NBPF9: variants seen among roughly 807,000 people sequenced by gnomAD.
The protein encoded by NBPF9 is NBPF family member NBPF9.
Under a neutral mutation model 97.8 loss-of-function variants are expected in NBPF9, and 91 were observed. The ratio of observed to expected loss-of-function variants is 0.93; its 90% CI spans 0.79 to 1.11. NBPF9 has a LOEUF of 1.11. NBPF9 is among the 50% of genes least tolerant of loss of function. The probability of loss-of-function intolerance (pLI) is 0.00; values close to 1 mark genes in which losing one functional copy is unlikely to be tolerated. For synonymous variants in NBPF9, 334 were observed against 359.5 expected (o/e 0.93, Z 0.80); for missense variants, 992 against 939.5 (o/e 1.06, Z -0.73).
chr1:149,055,999 A>G, intron 29 of NBPF9, 100 bp from the exon 30 acceptor site: 1 of 1,336,942 alleles, frequency 7.5e-7, no homozygotes, highest in Non-Finnish European at 1.0e-6. Context: ...GTTAGAAAAG[A>G]AAAAGGATAG....
intron 7 of NBPF9, among the ~76,000 whole-genome samples, chr1:149,081,353 C>A (rs1404750529): frequency 6.6e-6 from 1 of 151,910 alleles, no homozygotes; most frequent in Non-Finnish European, 1.5e-5. Flanking sequence ...CTGCTGACCT[C>A]GTGCTCTGCC....
intron 5 of NBPF9, among the ~76,000 whole-genome samples, chr1:149,084,265 C>T (rs1314652989): frequency 7.0e-6 from 1 of 142,928 alleles, no homozygotes; most frequent in African/African-American, 2.6e-5. Context: ...TATATATACA[C>T]GTGTATATAT....
chr1:149,087,104 T>C (rs587765784), intron 5 of NBPF9, among the ~76,000 whole-genome samples: 19 of 152,126 alleles, frequency 1.2e-4, no homozygotes, highest in African/African-American at 4.3e-4. Flanking sequence ...GTTGCACTGA[T>C]TGATCTCCCT....
intron 22 of NBPF9, 29 bp downstream of exon 22, chr1:149,062,064 G>A (rs1324275953): frequency 1.1e-5 from 10 of 902,158 alleles, no homozygotes; most frequent in Non-Finnish European, 1.8e-6. Context: ...CCAGGTGGAG[G>A]CTTATCACCT....
chr1:149,056,547 T>C (rs1553649045), exon 29 of NBPF9: 3 of 100,770 alleles, frequency 3.0e-5, no homozygotes, highest in South Asian at 1.3e-4. Flanking sequence ...CTTCCCCTTC[T>C]TTTCTTCCCC....
chr1:149,058,871 C>A lies in NBPF9; in HGVS notation c.2758+54G>T, dbSNP rs1329754127. ...AGGGCCACTTGGAACAGGAATATCA[C>A]CCCTATCTGGAAGACCAGGTGGAGG... On this transcript the variant is annotated intron_variant, in intron 26 of 29. Transcript: ENST00000584027. 1.4e-4 allele frequency: 93 copies of A among 680,628 alleles called. 1 individual carries two copies. The Middle Eastern group carries it at 1.6e-3, about 12-fold the overall frequency. The allele number at this position is 680,628 out of a possible 1,614,324, so 42.2% of individuals were successfully genotyped here.
Position 149,059,580 on chromosome 1 carries a change from G to T in NBPF9, c.2585+120C>A, listed in dbSNP as rs2078468223. ...TACTGCAATGAAAACCAACAGCAAT[G>T]ACAGTAGGAGTAATTCAGCCTTCGT... On this transcript the variant is annotated intron_variant, in intron 25 of 29. Coordinates refer to ENST00000584027, the Ensembl canonical transcript of NBPF9. The T allele has an allele frequency of 8.2e-6, 4 of 488,210 alleles. 1 individual carries two copies. Among genetic ancestry groups the T allele is most frequent in the African/African-American group, 5.1e-5 (2 of 39,592 alleles). 30.2% of individuals were successfully genotyped at this position (488,210 alleles called of 1,614,324 possible).
exon 14 of NBPF9, chr1:149,072,766 C>A (rs1553653261): frequency 6.3e-7 from 1 of 1,595,484 alleles, no homozygotes; most frequent in African/African-American, 1.3e-5. Context: ...CACCCCTCAG[C>A]CAGCTGTTCT....
intron 7 of NBPF9, among the ~76,000 whole-genome samples, chr1:149,080,798 T>C (rs1234226224): frequency 2.4e-5 from 3 of 123,134 alleles, no homozygotes; most frequent in Non-Finnish European, 5.1e-5. Context: ...AACTAATAGA[T>C]AGTGTTTACA....
At chr1:149,099,567 T>C (rs1307073400) in intron 3 of NBPF9, among the ~76,000 whole-genome samples, 1 of 152,224 alleles carries the variant, frequency 6.6e-6, no homozygotes, top group Non-Finnish European at 1.5e-5. Context: ...CAGGAGCTTA[T>C]GTTGAAAATG....
intron 5 of NBPF9, among the ~76,000 whole-genome samples, chr1:149,087,828 CTTTTTTTTTTT>C (rs60084667): frequency 4.5e-5 from 4 of 88,556 alleles, no homozygotes; most frequent in African/African-American, 2.1e-4. Context: ...GTTGACTTTC[CTTTTTTTTTTT>C]TTTTTTTTTT....
intron 14 of NBPF9, 72 bp from the exon 15 acceptor site, chr1:149,071,748 A>G: frequency 2.4e-6 from 2 of 838,236 alleles, no homozygotes; most frequent in Non-Finnish European, 3.8e-6. Context: ...CCCAATGTGC[A>G]ACAGAGACAT....
At chr1:149,074,313 G>A (rs1427986598) in intron 12 of NBPF9, among the ~76,000 whole-genome samples, 10 of 151,238 alleles carry the variant, frequency 6.6e-5, no homozygotes, top group South Asian at 2.1e-4. Context: ...ACAAGTATGC[G>A]AAAGATTTTT....
chr1:149,089,192 C>T (rs1484026948), intron 5 of NBPF9, among the ~76,000 whole-genome samples: 3 of 152,276 alleles, frequency 2.0e-5, no homozygotes, highest in African/African-American at 7.2e-5. Context: ...AGGAGAGGTG[C>T]CACAGGACCT....
At chr1:149,082,117 C>A (rs782008684) in exon 7 of NBPF9, 60 of 1,611,662 alleles carry the variant, frequency 3.7e-5, no homozygotes, top group African/African-American at 6.7e-5. Flanking sequence ...CTCGCTGGAC[C>A]AAGGGCCGGC....
intron 2 of NBPF9, among the ~76,000 whole-genome samples, chr1:149,101,842 CT>C (rs1358877686): frequency 4.0e-5 from 6 of 151,528 alleles, no homozygotes; most frequent in Non-Finnish European, 7.4e-5. Flanking sequence ...AACAATGCCA[CT>C]CCTACAAATA....
chr1:149,055,973 G>C (rs1228773993), intron 29 of NBPF9, 74 bp from the exon 30 acceptor site: 13 of 1,611,240 alleles, frequency 8.1e-6, no homozygotes, highest in South Asian at 5.5e-5. Context: ...GATTTCAGAA[G>C]TAACATAAGG....
At chr1:149,086,666 A>G (rs2081027031) in intron 5 of NBPF9, among the ~76,000 whole-genome samples, 1 of 152,230 alleles carries the variant, frequency 6.6e-6, no homozygotes, top group African/African-American at 2.4e-5. Flanking sequence ...GCACACTTCC[A>G]CATACACATA....
At chr1:149,055,861 A>G in exon 30 of NBPF9, 4 of 1,608,662 alleles carry the variant, frequency 2.5e-6, no homozygotes, top group Non-Finnish European at 1.7e-6. Flanking sequence ...GTCCTGCAAG[A>G]CTTCAGGCTC....
Sources: gnomAD v4.1 joint callset for allele counts (sites outside exome capture counted in the v4.1 genomes callset) on GRCh38, gnomAD v4.1.1 for gene constraint, MANE v1.5 for transcripts, NCBI Gene and HGNC (gene_info 2026-07-23, HGNC 2026-07-21) for gene names.